Variants in FSCN2 observed in about 807,000 individuals in gnomAD.
FSCN2 encodes fascin-2.
A neutral mutation model predicts 37.8 loss-of-function variants in FSCN2; 46 were observed. The observed-to-expected ratio is 1.22, with a 90% CI of 0.96 to 1.56. The LOEUF (loss-of-function observed/expected upper bound fraction) is 1.56, where lower values mean the gene tolerates loss of function less well. Ranked by LOEUF, FSCN2 falls within the 40% of genes most tolerant of loss-of-function variation. The probability of loss-of-function intolerance (pLI) is 0.00; values close to 1 mark genes in which losing one functional copy is unlikely to be tolerated. For missense variants in FSCN2, 844 were observed against 730.4 expected (o/e 1.16, Z -1.79); for synonymous variants, 351 against 309.4 (o/e 1.13, Z -1.41).
the FSCN2 span, among the ~76,000 whole-genome samples, chr17:81,517,847 C>T: frequency 2.2e-4 from 32 of 148,216 alleles, no homozygotes; most frequent in Admixed American, 1.7e-3. Flanking sequence ...TTCTTAGCTG[C>T]GGTCACAGAT....
chr17:81,534,671 T>C (rs1477637699), intron 1 of FSCN2, among the ~76,000 whole-genome samples: 1 of 151,844 alleles, frequency 6.6e-6, no homozygotes, highest in Non-Finnish European at 1.5e-5. Context: ...AGGTCCTGCC[T>C]GTGCCCATCC....
In FSCN2 at chr17:81,536,935, G is replaced by A. The variant is rs2032904565; in HGVS notation, c.1334G>A (p.Arg445His). The change falls in exon 5 of 5, where the codon CGC (arginine) becomes CAC (histidine). Residue 445 changes from arginine (R) to histidine (H), a missense_variant. Arg to His is a conservative substitution (Grantham distance 29). Transcript: ENST00000417245. ...GGCAGCGTGTGCAGCGACGGCGAAC[G>A]CGCCGAGGACTTCGTCTTCGAGTTC... Reference protein sequence around the residue: ...SHGSVCSDGERAEDFVFEFRE... With the variant: ...SHGSVCSDGEHAEDFVFEFRE... 8 of 1,572,172 alleles carry A rather than the reference G, an allele frequency of 5.1e-6. No individual in the cohort carries two copies. Among genetic ancestry groups the A allele is most frequent in the Non-Finnish European group, 6.9e-6 (8 of 1,165,636 alleles).
rs1568077141 is a variant in FSCN2, at chr17:81,531,320, GAT to G, written c.826+1964_826+1965del. On this transcript the variant is annotated intron_variant, in intron 1 of 4. Coordinates refer to ENST00000417245, the MANE Select transcript of FSCN2 (RefSeq NM_012418.4). ...TGATGGTGATGGTGGTGGTGGTGAT[GAT>G]GGTGGTGGTGGTGATGGTGGTGGTG... Among the ~76,000 whole-genome samples the G allele has an allele frequency of 2.6e-3, 135 of 51,810 alleles. 9 individuals are homozygous for G. Among genetic ancestry groups the G allele is most frequent in the African/African-American group, 6.6e-3 (116 of 17,708 alleles). 34.0% of individuals were successfully genotyped at this position (51,810 alleles called of 152,430 possible).
In FSCN2 at chr17:81,536,625, A is replaced by C; in HGVS notation, c.1109A>C (p.Lys370Thr). 2 of 1,609,404 alleles carry C rather than the reference A, an allele frequency of 1.2e-6. No homozygotes were observed. The highest frequency in any genetic ancestry group is 1.7e-6 in the Non-Finnish European group (2 of 1,179,684). ...CAGCAGACGCTCTCCCCGCCAGGCA[A>C]GGACGAAGAGTTCACCCTCAAGCTC... is the stretch of plus-strand genomic sequence containing the variant. Reference protein sequence around the residue: ...QLAAISDFVGKDEEFTLKLIN... With the variant: ...QLAAISDFVGTDEEFTLKLIN... Residue 370 changes from lysine to threonine, a missense_variant, in exon 4 of 5, where the codon AAG becomes ACG. Coordinates refer to ENST00000417245, the MANE Select transcript of FSCN2 (RefSeq NM_012418.4).
At chr17:81,528,175 A>T (rs1046135584), upstream of FSCN2, among the ~76,000 whole-genome samples, 1 of 152,134 alleles carries the variant, frequency 6.6e-6, no homozygotes, top group Non-Finnish European at 1.5e-5. Context: ...TATGAGGAAA[A>T]GGGGATCAAC....
At chr17:81,527,375 C>G (rs1466519976), upstream of FSCN2, 1 of 151,662 alleles carries the variant, frequency 6.6e-6, no homozygotes, top group Non-Finnish European at 1.5e-5. Context: ...CCAGGGTGGC[C>G]AGCTCTGGTT....
At chr17:81,531,474 G>GGTGATGA (rs2032591097) in intron 1 of FSCN2, among the ~76,000 whole-genome samples, 1 of 105,848 alleles carries the variant, frequency 9.4e-6, no homozygotes, top group African/African-American at 4.4e-5. Flanking sequence ...GATGGTGGTG[G>GGTGATGA]TGGTGATGGT....
upstream of FSCN2, chr17:81,528,308 C>T (rs544124136): frequency 1.7e-6 from 1 of 572,998 alleles, no homozygotes; most frequent in South Asian, 2.0e-5. Context: ...CGTCTCTGAT[C>T]CGCCCTCCCC....
At position 81,529,176 on chromosome 17, in the gene FSCN2, G is replaced by T; in HGVS notation, c.645G>T (p.Lys215Asn). The change falls in exon 1 of 5, where the codon AAG becomes AAT. Residue 215 changes from lysine to asparagine, a missense_variant. Physicochemically the swap from Lys to Asn is moderately conservative, Grantham distance 94. Coordinates refer to ENST00000417245, the MANE Select transcript of FSCN2 (RefSeq NM_012418.4). ...EPRACYTLEF[K>N]AGKLAFKDCD... ...GTGCCTGCTACACGCTGGAGTTCAA[G>T]GCGGGCAAGCTGGCCTTCAAGGACT... is the stretch of plus-strand genomic sequence containing the variant. 1 of 1,592,602 alleles carries T rather than the reference G, an allele frequency of 6.3e-7. No individual in the cohort carries two copies. Among genetic ancestry groups the T allele is most frequent in the Non-Finnish European group, 8.5e-7 (1 of 1,170,934 alleles).
Position 81,529,288 on chromosome 17 carries a change from G to A in FSCN2, c.757G>A (p.Asp253Asn). Reference protein sequence around the residue: ...NTRPGKDELFDLEESHPQVVL... With the variant: ...NTRPGKDELFNLEESHPQVVL... ...GCGACCTGGCAAGGATGAGCTCTTTGATCTGGAGGAGAGTCACCCACAGGT... is the reference window on the plus strand; with the variant it reads ...GCGACCTGGCAAGGATGAGCTCTTTAATCTGGAGGAGAGTCACCCACAGGT... The change falls in exon 1 of 5, where the codon GAT (aspartate) becomes AAT (asparagine). Residue 253 changes from aspartate to asparagine, a missense_variant. By Grantham distance (23) the Asp-to-Asn change is conservative. Transcript: ENST00000417245. 6.3e-7 allele frequency: 1 copy of A among 1,580,702 alleles called. No homozygotes were observed. The highest frequency in any genetic ancestry group is 1.2e-5 in the South Asian group (1 of 85,532).
rs1568077843 is a variant in FSCN2, at chr17:81,531,653, AGTGATG to A, written c.826+2303_826+2308del. 3.7e-3 allele frequency among the ~76,000 whole-genome samples: 143 copies of A among 38,600 alleles called. 1 individual carries two copies. Among genetic ancestry groups the A allele is most frequent in the African/African-American group, 0.015 (132 of 9,096 alleles). The allele number at this position is 38,600 out of a possible 152,430, so 25.3% of individuals were successfully genotyped here. A position where few individuals can be genotyped will look rare whatever the true frequency, so the allele number is the denominator to read the frequency against. ...TGGTGATGGTGGTGGTGGTGATGAT[AGTGATG>A]GTGATGATGATGGTGATGATGATGG... On this transcript the variant is annotated intron_variant, in intron 1 of 4. Coordinates refer to ENST00000417245, the MANE Select transcript of FSCN2 (RefSeq NM_012418.4).
rs112158827 is a variant in FSCN2, at chr17:81,528,395, G to A, written c.-137G>A. On this transcript the variant is annotated 5_prime_UTR_variant, in exon 1 of 5. Transcript: ENST00000417245. ...GCGGGTCAGAGGCGGGTCAGAGCAG[G>A]CAGGGGGTTCGTGACGCCGGCTGGG... The A allele has an allele frequency of 1.5e-6, 1 of 662,004 alleles. No individual in the cohort carries two copies. Among genetic ancestry groups the A allele is most frequent in the African/African-American group, 1.8e-5 (1 of 55,434 alleles). The allele number at this position is 662,004 out of a possible 1,614,324, so 41.0% of individuals were successfully genotyped here. A position where few individuals can be genotyped will look rare whatever the true frequency, so the allele number is the denominator to read the frequency against.
At chr17:81,518,422 G>A in the FSCN2 span, among the ~76,000 whole-genome samples, 3 of 121,442 alleles carry the variant, frequency 2.5e-5, no homozygotes, top group African/African-American at 5.5e-5. Flanking sequence ...GCAGCTGCTC[G>A]TGCAGGAAGC....
At chr17:81,525,586 A>G (rs544565679), upstream of FSCN2, among the ~76,000 whole-genome samples, 13 of 141,094 alleles carry the variant, frequency 9.2e-5, no homozygotes, top group Non-Finnish European at 2.0e-4. Flanking sequence ...TTAGCTGGGT[A>G]TGGTGGCAGG....
In FSCN2 at chr17:81,536,686, C is replaced by G. The variant is rs749176828; in HGVS notation, c.1170C>G (p.Asp390Glu). ...NRPILVLRGL[D>E]GFVCHHRGSN... ...CCATCCTGGTGCTGCGCGGCCTGGA[C>G]GGCTTCGTCTGCCACCACCGCGGCT... Residue 390 changes from aspartate to glutamate, a missense_variant, in exon 4 of 5, where the codon GAC becomes GAG. Transcript: ENST00000417245. 6.2e-7 allele frequency: 1 copy of G among 1,610,954 alleles called. No individual in the cohort carries two copies. Among genetic ancestry groups the G allele is most frequent in the Non-Finnish European group, 8.5e-7 (1 of 1,179,490 alleles).
chr17:81,527,097 G>A (rs2032373462), upstream of FSCN2: 1 of 152,282 alleles, frequency 6.6e-6, no homozygotes, highest in African/African-American at 2.4e-5. Context: ...GAGGACAGAG[G>A]AAGAGCCCCT....
chr17:81,530,214 C>T (rs966690667), intron 1 of FSCN2: 2 of 274,694 alleles, frequency 7.3e-6, no homozygotes, highest in East Asian at 1.3e-4. Flanking sequence ...AGTGGAGCCT[C>T]GTGTCCTCAG....
chr17:81,517,879 G>A, the FSCN2 span, among the ~76,000 whole-genome samples: 1 of 151,958 alleles, frequency 6.6e-6, no homozygotes, highest in East Asian at 1.9e-4. Context: ...AGCCAGAAAC[G>A]GAGATGAAAC....
chr17:81,518,247 C>T, the FSCN2 span, among the ~76,000 whole-genome samples: 42 of 152,250 alleles, frequency 2.8e-4, no homozygotes, highest in African/African-American at 9.4e-4. Flanking sequence ...CCACGACCTC[C>T]CATCAACTCC....
Sources: allele counts gnomAD v4.1 joint callset (sites outside exome capture counted in the v4.1 genomes callset), GRCh38; gene constraint gnomAD v4.1.1; transcripts MANE v1.5; gene names NCBI Gene and HGNC (gene_info 2026-07-23, HGNC 2026-07-21).